The following STYK1 variants were observed in gnomAD, a reference collection of about 807,000 sequenced individuals.
The protein encoded by STYK1 is STY kinase 1, also known as tyrosine-protein kinase STYK1.
Under a neutral mutation model 48.1 loss-of-function variants are expected in STYK1, and 46 were observed. The observed-to-expected ratio is 0.96, with a 90% confidence interval of 0.75 to 1.22. The LOEUF is 1.22. STYK1 is among the 50% of genes most tolerant of loss of function. STYK1 has a pLI of 0.00. For missense variants in STYK1, 527 were observed against 521.1 expected (o/e 1.01, Z -0.11); for synonymous variants, 188 against 189.0 (o/e 0.99, Z 0.04).
intron 4 of STYK1, among the ~76,000 whole-genome samples, chr12:10,631,864 A>G (rs184638449): frequency 1.4e-4 from 22 of 152,330 alleles, no homozygotes; most frequent in Admixed American, 1.4e-3. Flanking sequence ...CCAGCAAAAA[A>G]GAGAGGTTCA....
intron 1 of STYK1, chr12:10,673,571 C>G (rs1288661730): frequency 3.3e-5 from 5 of 152,210 alleles, no homozygotes. Context: ...ATTCCATGGT[C>G]TGAAAGGCTA....
intron 1 of STYK1, among the ~76,000 whole-genome samples, chr12:10,653,579 G>T (rs1441077474): frequency 6.6e-6 from 1 of 152,134 alleles, no homozygotes; most frequent in Non-Finnish European, 1.5e-5. Context: ...TTTTAAGCAA[G>T]AAATTTAATA....
At position 10,633,253 on chromosome 12, in the gene STYK1, C is replaced by T. The variant is rs186011583; in HGVS notation, c.187+737G>A. Among the ~76,000 whole-genome samples, 42 of 152,094 alleles carry T rather than the reference C, an allele frequency of 2.8e-4. 1 individual carries two copies. The East Asian group carries it at 4.2e-3, about 15-fold the overall frequency. ...ATGACCTTGGAAAGACTTGTTTTGG[C>T]GAAGTGGTAGAGATGAAAACCTTAT... On this transcript the variant is annotated intron_variant, in intron 4 of 10. Transcript: ENST00000075503.
At chr12:10,622,119 T>A in intron 9 of STYK1, 147 bp from the exon 10 acceptor site, 1 of 641,030 alleles carries the variant, frequency 1.6e-6, no homozygotes, top group South Asian at 2.0e-5. Context: ...TCCCTGGTGA[T>A]CAAATATGGA....
At chr12:10,671,951 C>A (rs1355339103) in intron 1 of STYK1, among the ~76,000 whole-genome samples, 2 of 151,938 alleles carry the variant, frequency 1.3e-5, no homozygotes, top group Non-Finnish European at 2.9e-5. Flanking sequence ...ACATTCTAAC[C>A]CCCAGTAACT....
At chr12:10,628,701 T>C (rs558600202) in intron 6 of STYK1, among the ~76,000 whole-genome samples, 1 of 152,248 alleles carries the variant, frequency 6.6e-6, no homozygotes, top group Middle Eastern at 3.4e-3. Context: ...AAGAGGAATA[T>C]AGAACAAGGG....
In STYK1 at chr12:10,649,340, A is replaced by G. The variant is rs537461315; in HGVS notation, c.-194-12144T>C. 3.9e-4 allele frequency among the ~76,000 whole-genome samples: 60 copies of G among 152,348 alleles called. 2 individuals are homozygous for G. The South Asian group carries it at 0.012, about 30-fold the overall frequency. ...ATAGAAAAAATAACTAATTTTCATC[A>G]AAAGGAGGGATGTTTCAAATTATTT... is the stretch of plus-strand genomic sequence containing the variant. On this transcript the variant is annotated intron_variant, in intron 1 of 10. Transcript: ENST00000075503.
chr12:10,649,615 A>G (rs967629600), intron 1 of STYK1, among the ~76,000 whole-genome samples: 1 of 152,194 alleles, frequency 6.6e-6, no homozygotes, highest in African/African-American at 2.4e-5. Flanking sequence ...TCTATTTTCT[A>G]TTTTCCAAAT....
chr12:10,664,843 C>G (rs1489599304), intron 1 of STYK1, among the ~76,000 whole-genome samples: 3 of 152,056 alleles, frequency 2.0e-5, no homozygotes, highest in Admixed American at 6.6e-5. Context: ...TCTAATGCTG[C>G]AAAACTGGAA....
intron 2 of STYK1, among the ~76,000 whole-genome samples, chr12:10,636,790 A>G (rs1947490386): frequency 6.6e-6 from 1 of 151,932 alleles, no homozygotes. Flanking sequence ...TTCTCAGCAC[A>G]CTCTCTCTTA....
chr12:10,620,637 C>T (rs1429771160), intron 10 of STYK1, among the ~76,000 whole-genome samples: 2 of 152,140 alleles, frequency 1.3e-5, no homozygotes, highest in South Asian at 2.1e-4. Context: ...TTTGCTGTAA[C>T]GTTGTAAGCA....
intron 1 of STYK1, among the ~76,000 whole-genome samples, chr12:10,642,681 G>C (rs1036321699): frequency 6.6e-6 from 1 of 152,178 alleles, no homozygotes; most frequent in Non-Finnish European, 1.5e-5. Flanking sequence ...TAATCAAAAA[G>C]TTAATGCAGG....
At chr12:10,658,728 T>C (rs1274733778) in intron 1 of STYK1, among the ~76,000 whole-genome samples, 1 of 152,176 alleles carries the variant, frequency 6.6e-6, no homozygotes, top group African/African-American at 2.4e-5. Context: ...AAATATAAAA[T>C]TGTGTTTGGC....
At chr12:10,647,075 G>C (rs962409172) in intron 1 of STYK1, among the ~76,000 whole-genome samples, 6 of 152,208 alleles carry the variant, frequency 3.9e-5, no homozygotes, top group Non-Finnish European at 7.3e-5. Flanking sequence ...GGGAAATGTG[G>C]GGTCGAGCCC....
intron 10 of STYK1, among the ~76,000 whole-genome samples, chr12:10,621,464 A>G (rs1390166263): frequency 6.6e-6 from 1 of 152,196 alleles, no homozygotes; most frequent in African/African-American, 2.4e-5. Flanking sequence ...ACTCTAGTGC[A>G]ATGGCTTTTA....
intron 1 of STYK1, among the ~76,000 whole-genome samples, chr12:10,645,351 T>C (rs1052480736): frequency 2.0e-5 from 3 of 152,064 alleles, no homozygotes; most frequent in Non-Finnish European, 4.4e-5. Flanking sequence ...ATGAGAGGAC[T>C]GAAAAGAGGA....
At chr12:10,669,433 A>G (rs1439416179) in intron 1 of STYK1, among the ~76,000 whole-genome samples, 1 of 118,438 alleles carries the variant, frequency 8.4e-6, no homozygotes. Context: ...CCTTCAGAAT[A>G]AAAATAGATA....
In STYK1 at chr12:10,619,231, A is replaced by G. The variant is rs1329538839; in HGVS notation, c.*913T>C. 2 of 152,204 alleles carry G rather than the reference A, an allele frequency of 1.3e-5. No homozygotes were observed. The highest frequency in any genetic ancestry group is 2.9e-5 in the Non-Finnish European group (2 of 68,038). The allele number at this position is 152,204 out of a possible 1,614,324, so 9.4% of individuals were successfully genotyped here. On this transcript the variant is annotated 3_prime_UTR_variant, in exon 11 of 11. Transcript: ENST00000075503. ...AATAAGTTTCACAGTATATCAACAGATGATTGAAAATTAGAAGCTGCTATC... is the reference window on the plus strand; with the variant it reads ...AATAAGTTTCACAGTATATCAACAGGTGATTGAAAATTAGAAGCTGCTATC...
chr12:10,641,539 A>G (rs1591687606), intron 1 of STYK1, among the ~76,000 whole-genome samples: 1 of 152,344 alleles, frequency 6.6e-6, no homozygotes, highest in Non-Finnish European at 1.5e-5. Context: ...AGGCTACAAC[A>G]GGCTGTAGGG....
Sources: allele counts gnomAD v4.1 joint callset (sites outside exome capture counted in the v4.1 genomes callset), GRCh38; gene constraint gnomAD v4.1.1; transcripts MANE v1.5; gene names NCBI Gene and HGNC (gene_info 2026-07-23, HGNC 2026-07-21).